Variants in CFAP95 observed in about 807,000 individuals in gnomAD.
CFAP95 encodes cilia- and flagella-associated protein 95.
At chr9:69,849,421 A>G in the CFAP95 span, among the ~76,000 whole-genome samples, 38 of 152,300 alleles carry the variant, frequency 2.5e-4, no homozygotes, top group South Asian at 7.0e-3. Flanking sequence ...TACATTCAAC[A>G]AACATTTTTT....
At chr9:69,855,383 G>A in the CFAP95 span, among the ~76,000 whole-genome samples, 2 of 152,206 alleles carry the variant, frequency 1.3e-5, no homozygotes, top group African/African-American at 2.4e-5. Context: ...AGCAATCTAA[G>A]CTTAATTTTT....
At chr9:69,859,476 T>C in the CFAP95 span, among the ~76,000 whole-genome samples, 1 of 152,152 alleles carries the variant, frequency 6.6e-6, no homozygotes, top group African/African-American at 2.4e-5. Context: ...ATGCCTTTTG[T>C]TTCTGTTCTT....
At chr9:69,855,510 C>T in the CFAP95 span, among the ~76,000 whole-genome samples, 1,965 of 152,208 alleles carry the variant, frequency 0.013, 20 homozygotes, top group Non-Finnish European at 0.02. Flanking sequence ...GACTTTGAAA[C>T]CTGAACATCT....
the CFAP95 span, among the ~76,000 whole-genome samples, chr9:69,824,003 GATGGC>G: frequency 2.6e-5 from 4 of 152,174 alleles, no homozygotes; most frequent in South Asian, 8.3e-4. Flanking sequence ...CCGGCGATAT[GATGGC>G]TTAGTTTGGG....
chr9:69,850,999 T>C, the CFAP95 span, among the ~76,000 whole-genome samples: 1 of 152,242 alleles, frequency 6.6e-6, no homozygotes, highest in Non-Finnish European at 1.5e-5. Context: ...TTCCAGACGT[T>C]TGGGATGGGA....
chr9:69,843,507 CTCCTCCTCCTCCT>C, the CFAP95 span, among the ~76,000 whole-genome samples: 2 of 950 alleles, frequency 2.1e-3, no homozygotes, highest in Non-Finnish European at 5.6e-3. Context: ...TCCTCCCCCC[CTCCTCCTCCTCCT>C]CCTCCTCCTC....
At chr9:69,899,040 G>T in the CFAP95 span, among the ~76,000 whole-genome samples, 4 of 152,080 alleles carry the variant, frequency 2.6e-5, no homozygotes, top group Non-Finnish European at 5.9e-5. Context: ...TTCTGCATAA[G>T]CCTTTGTGCA....
At chr9:69,883,327 G>A in the CFAP95 span, among the ~76,000 whole-genome samples, 4 of 152,122 alleles carry the variant, frequency 2.6e-5, no homozygotes, top group Admixed American at 6.5e-5. Flanking sequence ...TTGGGGAGAA[G>A]TTTATGTGGG....
At chr9:69,825,179 C>T in the CFAP95 span, among the ~76,000 whole-genome samples, 1 of 152,036 alleles carries the variant, frequency 6.6e-6, no homozygotes. Flanking sequence ...AATTGATGAA[C>T]ACTTAATATC....
the CFAP95 span, chr9:69,844,681 TA>T: frequency 1.5e-6 from 2 of 1,306,622 alleles, no homozygotes; most frequent in African/African-American, 1.5e-5. Context: ...TAGTGAAACA[TA>T]AAAAGGTAAA....
chr9:69,876,581 C>G, the CFAP95 span, among the ~76,000 whole-genome samples: 68 of 151,922 alleles, frequency 4.5e-4, no homozygotes, highest in Non-Finnish European at 1.9e-4. Context: ...GTTATTAATC[C>G]TCTTTTGGTT....
chr9:69,843,557 C>CCTTCTTCTTCTTCTTCTTCTT, the CFAP95 span, among the ~76,000 whole-genome samples: 1 of 14,716 alleles, frequency 6.8e-5, no homozygotes, highest in Non-Finnish European at 1.2e-4. Flanking sequence ...TCCTCCTCCT[C>CCTTCTTCTTCTTCTTCTTCTT]CTTCTTCTTC....
the CFAP95 span, among the ~76,000 whole-genome samples, chr9:69,847,888 C>G: frequency 3.3e-5 from 5 of 152,282 alleles, no homozygotes; most frequent in East Asian, 9.6e-4. Flanking sequence ...TTACTTTTGT[C>G]TACGTTTTGG....
chr9:69,857,585 C>T, the CFAP95 span, among the ~76,000 whole-genome samples: 10 of 152,312 alleles, frequency 6.6e-5, no homozygotes, highest in African/African-American at 2.4e-4. Flanking sequence ...AGGACAGTGG[C>T]GTGATCTTGG....
the CFAP95 span, among the ~76,000 whole-genome samples, chr9:69,866,405 T>C: frequency 7.9e-5 from 12 of 152,210 alleles, no homozygotes; most frequent in African/African-American, 2.9e-4. Flanking sequence ...GGTTCAATTC[T>C]GAAAGCCTGA....
chr9:69,892,458 T>C, the CFAP95 span, among the ~76,000 whole-genome samples: 1 of 152,158 alleles, frequency 6.6e-6, no homozygotes, highest in South Asian at 2.1e-4. Context: ...CCCTTTATTG[T>C]TTAATGAGGC....
chr9:69,848,080 G>C, the CFAP95 span, among the ~76,000 whole-genome samples: 1 of 152,148 alleles, frequency 6.6e-6, no homozygotes, highest in Admixed American at 6.6e-5. Context: ...AAGGATTTTG[G>C]AGAGTGTGCT....
At chr9:69,878,042 C>T in the CFAP95 span, among the ~76,000 whole-genome samples, 3 of 152,220 alleles carry the variant, frequency 2.0e-5, no homozygotes, top group East Asian at 3.9e-4. Context: ...GCAGTTTGCT[C>T]AATATCCTAG....
chr9:69,879,039 G>A, the CFAP95 span, among the ~76,000 whole-genome samples: 7 of 152,130 alleles, frequency 4.6e-5, no homozygotes, highest in African/African-American at 1.4e-4. Context: ...AGGCCATGAG[G>A]GATCTGCCTC....
Sources: allele counts gnomAD v4.1 joint callset (sites outside exome capture counted in the v4.1 genomes callset), GRCh38; gene constraint gnomAD v4.1.1; transcripts MANE v1.5; gene names NCBI Gene and HGNC (gene_info 2026-07-23, HGNC 2026-07-21).